VPS13B: variants seen among roughly 807,000 people sequenced by gnomAD.
The protein encoded by VPS13B is intermembrane lipid transfer protein VPS13B.
VPS13B carries 285 observed loss-of-function variants against 426.4 expected under a neutral mutation model. The ratio of observed to expected loss-of-function variants is 0.67; its 90% confidence interval spans 0.61 to 0.74. The LOEUF (loss-of-function observed/expected upper bound fraction) is 0.74, where lower values mean the gene tolerates loss of function less well. VPS13B is among the 30% of genes least tolerant of loss of function. VPS13B has a pLI of 0.00. For synonymous variants in VPS13B, 1,676 were observed against 1,676.4 expected, an observed-to-expected ratio of 1.00 and a Z score of 0.01; for missense variants, 4,537 against 4,782.6, an observed-to-expected ratio of 0.95 and a Z score of 1.51.
Position 99,143,093 on chromosome 8 carries a change from G to A in VPS13B, c.1771G>A (p.Val591Met), listed in dbSNP as rs372593334. The A allele has an allele frequency of 8.1e-6, 13 of 1,613,936 alleles. No individual in the cohort carries two copies. Among genetic ancestry groups the A allele is most frequent in the East Asian group, 2.2e-5 (1 of 44,850 alleles). ...PLDFRLDSSA[V>M]HRILKMIVCA... ...TGATTTTCGTTTGGATAGCAGTGCGGTGCATAGGATTTTGAAAATGATTGT... is the reference window on the plus strand; with the variant it reads ...TGATTTTCGTTTGGATAGCAGTGCGATGCATAGGATTTTGAAAATGATTGT... The change falls in exon 13 of 62, where the codon GTG becomes ATG. Residue 591 changes from valine (V) to methionine (M), a missense_variant. By Grantham distance (21) the Val-to-Met change is conservative (BLOSUM62 1). This residue lies in a region of VPS13B where 4,311 missense variants were observed against 4,474.3 expected (regional missense o/e 0.96). Transcript: ENST00000357162.
intron 19 of VPS13B, among the ~76,000 whole-genome samples, chr8:99,310,475 A>G (rs955157028): frequency 6.6e-6 from 1 of 152,116 alleles, no homozygotes; most frequent in Non-Finnish European, 1.5e-5. Flanking sequence ...TTCTGTTTAT[A>G]TACTGGATTA....
intron 21 of VPS13B, among the ~76,000 whole-genome samples, chr8:99,411,482 A>T (rs1159808616): frequency 1.3e-5 from 2 of 152,160 alleles, no homozygotes; most frequent in African/African-American, 4.8e-5. Flanking sequence ...ATATGGATAG[A>T]TTGCAAAAAG....
At chr8:99,495,576 A>G (rs929509557) in intron 25 of VPS13B, among the ~76,000 whole-genome samples, 1 of 152,190 alleles carries the variant, frequency 6.6e-6, no homozygotes, top group Admixed American at 6.5e-5. Flanking sequence ...GTCCTCTGAC[A>G]AAGACATTTT....
At chr8:99,664,779 C>T (rs201087834) in intron 35 of VPS13B, among the ~76,000 whole-genome samples, 2 of 152,136 alleles carry the variant, frequency 1.3e-5, no homozygotes, top group South Asian at 4.1e-4. Context: ...AATAAACATA[C>T]GTGTGCATGT....
chr8:99,618,216 C>T (rs1828188581), intron 33 of VPS13B, among the ~76,000 whole-genome samples: 2 of 151,048 alleles, frequency 1.3e-5, no homozygotes, highest in Admixed American at 6.6e-5. Flanking sequence ...AGCCTTGATA[C>T]CAGTAAGCAG....
intron 4 of VPS13B, among the ~76,000 whole-genome samples, chr8:99,102,095 A>C (rs1846786264): frequency 6.6e-6 from 1 of 152,160 alleles, no homozygotes; most frequent in South Asian, 2.1e-4. Context: ...AACATAAGTG[A>C]GATTATGGAG....
intron 19 of VPS13B, 122 bp downstream of exon 19, chr8:99,275,376 G>T: frequency 3.4e-6 from 3 of 887,098 alleles, no homozygotes; most frequent in South Asian, 1.8e-5. Context: ...GGCTTACTCT[G>T]CAGTTGTGCT....
chr8:99,438,794 A>G (rs1817533515), intron 22 of VPS13B, among the ~76,000 whole-genome samples: 1 of 152,176 alleles, frequency 6.6e-6, no homozygotes, highest in Admixed American at 6.5e-5. Context: ...TGTAGTGCAA[A>G]TGGAATACTA....
At chr8:99,373,019 A>G (rs1323600139) in intron 19 of VPS13B, among the ~76,000 whole-genome samples, 1 of 152,214 alleles carries the variant, frequency 6.6e-6, no homozygotes, top group Non-Finnish European at 1.5e-5. Context: ...TTGCAGGGAT[A>G]TGAATGAAGC....
intron 35 of VPS13B, among the ~76,000 whole-genome samples, chr8:99,686,657 T>C (rs1443884806): frequency 6.6e-6 from 1 of 151,832 alleles, no homozygotes; most frequent in Non-Finnish European, 1.5e-5. Flanking sequence ...CTGCAGCGAG[T>C]GCTACGTGGC....
At chr8:99,730,025 T>C (rs1338828777) in intron 39 of VPS13B, among the ~76,000 whole-genome samples, 1 of 152,210 alleles carries the variant, frequency 6.6e-6, no homozygotes, top group African/African-American at 2.4e-5. Flanking sequence ...GATTTGCCTC[T>C]TCCACACATA....
chr8:99,699,646 G>C lies in VPS13B; in HGVS notation c.6168G>C (p.Glu2056Asp), dbSNP rs751094528. The C allele has an allele frequency of 5.6e-6, 9 of 1,614,008 alleles. No individual in the cohort carries two copies. Among genetic ancestry groups the C allele is most frequent in the Middle Eastern group, 1.6e-4 (1 of 6,082 alleles). The change falls in exon 36 of 62, where the codon GAG becomes GAC. Residue 2056 changes from glutamate to aspartate, a missense_variant. Transcript: ENST00000357162. Reference sequence around the variant, plus strand: ...CACACAGTTTGGCACATAGTGAAGAGACTTCAGCCATGTCCAACACCATGG... The same window carrying C: ...CACACAGTTTGGCACATAGTGAAGACACTTCAGCCATGTCCAACACCATGG... ...KNAHSLAHSEETSAMSNTMVN... is the reference protein window; with the variant it reads ...KNAHSLAHSEDTSAMSNTMVN...
intron 39 of VPS13B, among the ~76,000 whole-genome samples, chr8:99,734,851 G>A (rs1219940831): frequency 2.0e-5 from 3 of 152,132 alleles, no homozygotes; most frequent in Admixed American, 6.6e-5. Context: ...GGATGTGTAT[G>A]GTAATGGGAA....
Position 99,876,546 on chromosome 8 carries a change from A to G in VPS13B, c.*880A>G, listed in dbSNP as rs1817710274. On this transcript the variant is annotated 3_prime_UTR_variant, in exon 62 of 62. Transcript: ENST00000357162. Reference sequence around the variant, plus strand: ...CATAGTGGGAACTCCCTGGTATGCCATAGAGCACACAAGAACCCCAATATT... The same window carrying G: ...CATAGTGGGAACTCCCTGGTATGCCGTAGAGCACACAAGAACCCCAATATT... 1 of 152,230 alleles carries G rather than the reference A, an allele frequency of 6.6e-6. No individual in the cohort carries two copies. The highest frequency in any genetic ancestry group is 2.1e-4 in the South Asian group (1 of 4,834). The allele number at this position is 152,230 out of a possible 1,614,324, so 9.4% of individuals were successfully genotyped here.
chr8:99,544,967 C>A (rs1032305589), intron 30 of VPS13B, among the ~76,000 whole-genome samples: 3 of 152,170 alleles, frequency 2.0e-5, no homozygotes, highest in African/African-American at 7.2e-5. Flanking sequence ...TGCCTAAGAT[C>A]ACACAGCTAG....
rs140031173 is a variant in VPS13B, at chr8:99,681,659, C to A, written c.6047-17866C>A. 2.2e-3 allele frequency among the ~76,000 whole-genome samples: 328 copies of A among 152,198 alleles called. 4 individuals are homozygous for A. Among genetic ancestry groups the A allele is most frequent in the African/African-American group, 7.4e-3 (307 of 41,532 alleles). On this transcript the variant is annotated intron_variant, in intron 35 of 61. Transcript: ENST00000357162. ...CTCCAGCCTAGGCAACAGACCAAGACCCTGTCTTGAAAAATAAATAAATAA... is the reference window on the plus strand; with the variant it reads ...CTCCAGCCTAGGCAACAGACCAAGAACCTGTCTTGAAAAATAAATAAATAA...
chr8:99,419,543 T>C (rs1395173972), intron 21 of VPS13B, among the ~76,000 whole-genome samples: 1 of 152,222 alleles, frequency 6.6e-6, no homozygotes, highest in Non-Finnish European at 1.5e-5. Context: ...TTTTAATTTT[T>C]ATATTTTTAT....
chr8:99,873,522 G>A (rs941433918), intron 61 of VPS13B, among the ~76,000 whole-genome samples: 1 of 152,210 alleles, frequency 6.6e-6, no homozygotes, highest in Non-Finnish European at 1.5e-5. Context: ...CAGGAGCACT[G>A]TGCCTGCACA....
chr8:99,756,791 G>T (rs1465233265), intron 39 of VPS13B, among the ~76,000 whole-genome samples: 2 of 152,150 alleles, frequency 1.3e-5, no homozygotes, highest in African/African-American at 2.4e-5. Flanking sequence ...TCCGTTTATT[G>T]CTTCCTAAGA....
Sources: allele counts gnomAD v4.1 joint callset (sites outside exome capture counted in the v4.1 genomes callset), GRCh38; gene constraint gnomAD v4.1.1; regional missense constraint gnomAD v4.1.1; transcripts MANE v1.5; gene names NCBI Gene and HGNC (gene_info 2026-07-23, HGNC 2026-07-21).